Variants in TULP4 observed in about 807,000 individuals in gnomAD.
TULP4 encodes TUB like protein 4, also known as tubby-related protein 4.
In TULP4, 16 loss-of-function variants were observed where a neutral mutation model predicts 129.0. The ratio of observed to expected loss-of-function variants is 0.12; its 90% confidence interval spans 0.08 to 0.19. TULP4 has a LOEUF of 0.19. Ranked by LOEUF, TULP4 falls within the 10% of genes least tolerant of loss-of-function variation. TULP4 has a pLI of 1.00. For missense variants in TULP4, 1,842 were observed against 2,059.1 expected (o/e 0.89, Z 2.04); for synonymous variants, 998 against 854.0 (o/e 1.17, Z -2.94).
intron 6 of TULP4, among the ~76,000 whole-genome samples, chr6:158,462,285 C>CT (rs112406697): frequency 1.5e-4 from 23 of 148,452 alleles, no homozygotes; most frequent in Non-Finnish European, 2.4e-4. Flanking sequence ...AATGTCTTTT[C>CT]TTTTTTTTTT....
chr6:158,426,198 C>A (rs1200272479), intron 2 of TULP4, among the ~76,000 whole-genome samples: 1 of 152,020 alleles, frequency 6.6e-6, no homozygotes, highest in East Asian at 1.9e-4. Context: ...TTGATAGTTT[C>A]TTTTGCTGTT....
chr6:158,256,872 G>A (rs1778255097), intron 1 of TULP4, among the ~76,000 whole-genome samples: 1 of 152,110 alleles, frequency 6.6e-6, no homozygotes, highest in African/African-American at 2.4e-5. Context: ...TTGTGTTTGG[G>A]AGCCTTCTGT....
At chr6:158,461,499 G>C in intron 5 of TULP4, 64 bp from the exon 6 acceptor site, 7 of 1,522,162 alleles carry the variant, frequency 4.6e-6, no homozygotes, top group Non-Finnish European at 6.3e-6. Flanking sequence ...AAGACAGTAG[G>C]CTTGCTGAGT....
In TULP4 at chr6:158,241,757, G is replaced by A. The variant is rs1300314223; in HGVS notation, n.68+9454G>A. On this transcript the variant is annotated intron_variant and non_coding_transcript_variant, in intron 1 of 1. Coordinates refer to the TULP4 transcript ENST00000620026. ...CTACAGGCACGCACCATCACGCCCA[G>A]CTAATTTTTGTATTTTTAGTAGAGA... The A allele has an allele frequency of 1.6e-5, 7 of 431,896 alleles. No individual in the cohort carries two copies. In the Admixed American group the frequency reaches 2.5e-4, roughly 15 times the overall value. The allele number at this position is 431,896 out of a possible 1,614,324, so 26.8% of individuals were successfully genotyped here.
chr6:158,305,324 C>CGTGTGTGTGT (rs34836137), intron 1 of TULP4, among the ~76,000 whole-genome samples: 70 of 141,848 alleles, frequency 4.9e-4, no homozygotes, highest in East Asian at 1.2e-3. Context: ...ATTCTGTGTG[C>CGTGTGTGTGT]GTGTGTGTGT....
At chr6:158,311,508 A>T (rs1437661863), upstream of TULP4, among the ~76,000 whole-genome samples, 1 of 152,214 alleles carries the variant, frequency 6.6e-6, no homozygotes, top group East Asian at 1.9e-4. Context: ...TTGCTGGTAG[A>T]CCACATAAAA....
At chr6:158,319,247 C>G (rs1438091524) in intron 1 of TULP4, among the ~76,000 whole-genome samples, 2 of 152,058 alleles carry the variant, frequency 1.3e-5, no homozygotes, top group Non-Finnish European at 2.9e-5. Flanking sequence ...CCTTGTAGGA[C>G]TTTGCTAAGA....
chr6:158,274,955 CT>C (rs2128463642), intron 1 of TULP4, among the ~76,000 whole-genome samples: 1 of 152,338 alleles, frequency 6.6e-6, no homozygotes, highest in Admixed American at 6.5e-5. Flanking sequence ...TTATTGATCT[CT>C]TCCATTTTGT....
At chr6:158,240,190 C>G (rs1319586548) in intron 1 of TULP4, among the ~76,000 whole-genome samples, 25 of 63,794 alleles carry the variant, frequency 3.9e-4, no homozygotes, top group African/African-American at 1.3e-3. Context: ...ACCTCCCTCC[C>G]GGACAGGGCG....
intron 9 of TULP4, among the ~76,000 whole-genome samples, chr6:158,492,378 A>T (rs1267804599): frequency 6.6e-6 from 1 of 152,194 alleles, no homozygotes; most frequent in African/African-American, 2.4e-5. Flanking sequence ...TATGAATTAG[A>T]GGTAAATGCT....
chr6:158,382,400 G>T (rs1777350246), intron 1 of TULP4, among the ~76,000 whole-genome samples: 1 of 152,148 alleles, frequency 6.6e-6, no homozygotes, highest in African/African-American at 2.4e-5. Context: ...CTTCATAATT[G>T]AGCGGGAAAA....
rs1562523350 is a variant in TULP4 at position 158,331,776 on chromosome 6, TATACAC to T, written c.252+17510_252+17515del. On this transcript the variant is annotated intron_variant, in intron 1 of 13. Coordinates refer to ENST00000367097, the MANE Select transcript of TULP4 (RefSeq NM_020245.5). ...ATACACGTGTATATATACACGTATA[TATACAC>T]ACACACATACCTACATACACACATT... Among the ~76,000 whole-genome samples, 42 of 58,910 alleles carry T rather than the reference TATACAC, an allele frequency of 7.1e-4. 12 individuals are homozygous for T. In the South Asian group the frequency reaches 0.021, roughly 29 times the overall value. The allele number at this position is 58,910 out of a possible 152,430, so 38.6% of individuals were successfully genotyped here. A position where few individuals can be genotyped will look rare whatever the true frequency, so the allele number is the denominator to read the frequency against.
rs188442777 is a variant in TULP4 at position 158,313,963 on chromosome 6, A to G, written c.-54A>G. 3.8e-6 allele frequency: 6 copies of G among 1,579,638 alleles called. No individual in the cohort carries two copies. Among genetic ancestry groups the G allele is most frequent in the African/African-American group, 2.7e-5 (2 of 73,754 alleles). On this transcript the variant is annotated 5_prime_UTR_variant, in exon 1 of 14. Coordinates refer to ENST00000367097, the MANE Select transcript of TULP4 (RefSeq NM_020245.5). The stretch of plus-strand genomic sequence containing the variant: ...ATATACCAATGAAAGAAATTGGTTT[A>G]AATTTCACAGCATTAACATTACTTT...
At position 158,301,056 on chromosome 6, in the gene TULP4, C is replaced by T. The variant is rs553550209; in HGVS notation, n.117-10995C>T. The stretch of plus-strand genomic sequence containing the variant: ...AATATAGAAAGGGTGTCTACGTTGG[C>T]GAACCGCCTGTTGTAACCTTGAAAA... On this transcript the variant is annotated intron_variant and non_coding_transcript_variant, in intron 1 of 1. Transcript: ENST00000432358. 1.2e-4 allele frequency among the ~76,000 whole-genome samples: 19 copies of T among 152,246 alleles called. No homozygotes were observed. In the East Asian group the frequency reaches 1.5e-3, roughly 12 times the overall value.
chr6:158,254,980 G>T (rs1029002892), intron 1 of TULP4, among the ~76,000 whole-genome samples: 6 of 152,240 alleles, frequency 3.9e-5, no homozygotes, highest in African/African-American at 1.4e-4. Flanking sequence ...GCTGAGTCAG[G>T]AGAATCACTT....
At chr6:158,375,428 G>C (rs1412162797) in intron 1 of TULP4, among the ~76,000 whole-genome samples, 1 of 152,200 alleles carries the variant, frequency 6.6e-6, no homozygotes, top group Non-Finnish European at 1.5e-5. Context: ...CTCAGTGATG[G>C]AGTGGTTTGG....
chr6:158,390,248 T>G (rs1385129157), intron 1 of TULP4, among the ~76,000 whole-genome samples: 2 of 152,112 alleles, frequency 1.3e-5, no homozygotes, highest in African/African-American at 2.4e-5. Flanking sequence ...AAAACACAAT[T>G]ATGTACATAA....
chr6:158,484,365 G>A (rs1780018019), intron 8 of TULP4, among the ~76,000 whole-genome samples: 2 of 151,676 alleles, frequency 1.3e-5, no homozygotes, highest in Non-Finnish European at 2.9e-5. Context: ...TTCCCAGGCT[G>A]GTCTTAAACT....
chr6:158,286,961 A>G (rs1171283685), intron 1 of TULP4, among the ~76,000 whole-genome samples: 5 of 152,252 alleles, frequency 3.3e-5, no homozygotes, highest in Admixed American at 3.3e-4. Flanking sequence ...AGGGGTCAGC[A>G]TGTTGGGCTT....
Sources: allele counts gnomAD v4.1 joint callset (sites outside exome capture counted in the v4.1 genomes callset), GRCh38; gene constraint gnomAD v4.1.1; transcripts MANE v1.5; gene names NCBI Gene and HGNC (gene_info 2026-07-23, HGNC 2026-07-21).